Variants in MDGA2 observed in about 807,000 individuals in gnomAD.
MDGA2 encodes the protein MAM domain containing glycosylphosphatidylinositol anchor 2.
A neutral mutation model predicts 117.8 loss-of-function variants in MDGA2; 40 were observed. The observed-to-expected ratio is 0.34, with a 90% CI of 0.26 to 0.44. The LOEUF (loss-of-function observed/expected upper bound fraction) is 0.44. Among genes scored for constraint, MDGA2 ranks in the 20% least tolerant of loss-of-function variants. MDGA2 has a pLI of 1.00. For synonymous variants in MDGA2, 452 were observed against 439.0 expected (o/e 1.03, Z -0.37); for missense variants, 1,123 against 1,250.6 (o/e 0.90, Z 1.54).
intron 1 of MDGA2, among the ~76,000 whole-genome samples, chr14:47,379,935 C>T (rs1217490381): frequency 2.6e-5 from 4 of 152,160 alleles, no homozygotes; most frequent in Non-Finnish European, 5.9e-5. Flanking sequence ...CTCACTACCA[C>T]GTCGCACTTA....
chr14:47,294,938 C>G (rs1889012614), intron 2 of MDGA2, among the ~76,000 whole-genome samples: 1 of 152,070 alleles, frequency 6.6e-6, no homozygotes, highest in Non-Finnish European at 1.5e-5. Flanking sequence ...GTTAAAAATG[C>G]ATTTATACAA....
rs551484153 is a variant in MDGA2, at chr14:47,599,571, T to C, written c.280+74946A>G. The stretch of plus-strand genomic sequence containing the variant: ...AAACAATAGGCCTTAAAAAAGTTAC[T>C]GACTTTGCCTCCATTTCCCCCTTTG... On this transcript the variant is annotated intron_variant, in intron 1 of 16. Coordinates refer to ENST00000399232, the MANE Select transcript of MDGA2 (RefSeq NM_001113498.3). 5.3e-5 allele frequency among the ~76,000 whole-genome samples: 8 copies of C among 152,330 alleles called. 1 individual carries two copies. In the Middle Eastern group the frequency reaches 0.02, roughly 389 times the overall value.
At chr14:47,037,961 G>A (rs12883718) in intron 7 of MDGA2, among the ~76,000 whole-genome samples, 3 of 152,062 alleles carry the variant, frequency 2.0e-5, no homozygotes, top group African/African-American at 7.2e-5. Context: ...ATGGAGTCTC[G>A]CTCTGTTGCC....
chr14:47,132,790 A>C (rs1486388280), intron 4 of MDGA2, among the ~76,000 whole-genome samples: 1 of 151,958 alleles, frequency 6.6e-6, no homozygotes, highest in Non-Finnish European at 1.5e-5. Flanking sequence ...ATAAAAATTC[A>C]AAATGTTTAT....
At chr14:47,175,605 C>G (rs1250552986) in intron 3 of MDGA2, among the ~76,000 whole-genome samples, 2 of 152,050 alleles carry the variant, frequency 1.3e-5, no homozygotes, top group East Asian at 3.8e-4. Flanking sequence ...AACTACCCTT[C>G]ATGCTAAAAA....
intron 1 of MDGA2, among the ~76,000 whole-genome samples, chr14:47,654,755 A>AT (rs1157780831): frequency 6.6e-6 from 1 of 152,128 alleles, no homozygotes; most frequent in East Asian, 1.9e-4. Flanking sequence ...TAACCCAGCA[A>AT]TGAAGGTGCT....
chr14:46,929,615 A>T (rs1457266298), intron 9 of MDGA2, among the ~76,000 whole-genome samples: 1 of 17,222 alleles, frequency 5.8e-5, no homozygotes, highest in African/African-American at 2.6e-4. Context: ...ATATATATAT[A>T]TATATATATA....
In MDGA2 at chr14:47,530,029, G is replaced by A. The variant is rs148181824; in HGVS notation, c.280+144488C>T. Among the ~76,000 whole-genome samples, 106 of 152,342 alleles carry A rather than the reference G, an allele frequency of 7.0e-4. No homozygotes were observed. The East Asian group carries it at 0.018, about 26-fold the overall frequency. The stretch of plus-strand genomic sequence containing the variant: ...ATGCCAGGTTGGGCTGCCAGAATGA[G>A]CCAACAGTGCATGATGTGCTTCCCC... On this transcript the variant is annotated intron_variant, in intron 1 of 16. Transcript: ENST00000399232.
At chr14:47,509,432 T>C (rs951745935) in intron 1 of MDGA2, among the ~76,000 whole-genome samples, 3 of 152,154 alleles carry the variant, frequency 2.0e-5, no homozygotes, top group African/African-American at 7.2e-5. Flanking sequence ...GGAGCTCTTT[T>C]ATTTGAAGTA....
intron 10 of MDGA2, among the ~76,000 whole-genome samples, chr14:46,898,185 T>C (rs183971852): frequency 2.0e-5 from 3 of 152,018 alleles, no homozygotes; most frequent in Non-Finnish European, 2.9e-5. Flanking sequence ...AGAAAAATAT[T>C]AGCAATTAAA....
intron 1 of MDGA2, among the ~76,000 whole-genome samples, chr14:47,565,319 T>C (rs1895896300): frequency 6.6e-6 from 1 of 152,216 alleles, no homozygotes; most frequent in Non-Finnish European, 1.5e-5. Flanking sequence ...TGCTTTTCTA[T>C]CTTCTTTGAT....
chr14:47,034,955 G>T (rs1053460634), intron 8 of MDGA2, 56 bp downstream of exon 8: 32 of 1,476,250 alleles, frequency 2.2e-5, no homozygotes, highest in Non-Finnish European at 2.9e-5. Context: ...GTAGAATAAT[G>T]GTAACACTTC....
intron 6 of MDGA2, among the ~76,000 whole-genome samples, chr14:47,094,420 C>A (rs17279292): frequency 0.018 from 2,795 of 152,064 alleles, 35 homozygotes; most frequent in Middle Eastern, 0.054. Flanking sequence ...GAAAATCATA[C>A]CCTAGGCACA....
At chr14:47,657,780 T>A (rs1486527667) in intron 1 of MDGA2, among the ~76,000 whole-genome samples, 1 of 152,186 alleles carries the variant, frequency 6.6e-6, no homozygotes, top group East Asian at 1.9e-4. Context: ...TTCTATCACA[T>A]CATCTAATAG....
At chr14:46,911,932 A>C (rs1354176135) in intron 10 of MDGA2, among the ~76,000 whole-genome samples, 1 of 152,112 alleles carries the variant, frequency 6.6e-6, no homozygotes, top group African/African-American at 2.4e-5. Context: ...ACAGGAACCA[A>C]CACTGAACAG....
chr14:47,260,907 A>C (rs2139672513), intron 2 of MDGA2, among the ~76,000 whole-genome samples: 1 of 152,220 alleles, frequency 6.6e-6, no homozygotes, highest in South Asian at 2.1e-4. Flanking sequence ...TAAATATGGA[A>C]TCCAAGAGAC....
chr14:47,044,521 T>A (rs1451894516), intron 7 of MDGA2, among the ~76,000 whole-genome samples: 1 of 152,188 alleles, frequency 6.6e-6, no homozygotes, highest in Non-Finnish European at 1.5e-5. Flanking sequence ...ATGTTTCCTA[T>A]GTGAAACAAG....
At chr14:47,544,550 GT>G (rs1392784804) in intron 1 of MDGA2, among the ~76,000 whole-genome samples, 1 of 152,060 alleles carries the variant, frequency 6.6e-6, no homozygotes, top group Non-Finnish European at 1.5e-5. Flanking sequence ...TATGCTGTTT[GT>G]TTTTTTGTGT....
chr14:47,237,407 C>G (rs1886900183), intron 2 of MDGA2, among the ~76,000 whole-genome samples: 1 of 152,036 alleles, frequency 6.6e-6, no homozygotes, highest in South Asian at 2.1e-4. Context: ...TGAGACAATG[C>G]AGTAGAAATG....
Sources: gnomAD v4.1 joint callset for allele counts (sites outside exome capture counted in the v4.1 genomes callset) on GRCh38, gnomAD v4.1.1 for gene constraint, MANE v1.5 for transcripts, NCBI Gene and HGNC (gene_info 2026-07-23, HGNC 2026-07-21) for gene names.